Variants in NPLOC4 observed in about 807,000 individuals in gnomAD.
NPLOC4 encodes NPL4 homolog, ubiquitin recognition factor.
In NPLOC4, 18 loss-of-function variants were observed where a neutral mutation model predicts 80.6. The observed-to-expected ratio is 0.22, with a 90% confidence interval of 0.15 to 0.33. NPLOC4 has a LOEUF of 0.33. NPLOC4 is among the 10% of genes least tolerant of loss of function. The probability of loss-of-function intolerance (pLI) is 1.00; values close to 1 mark genes in which losing one functional copy is unlikely to be tolerated. For missense variants in NPLOC4, 540 were observed against 786.1 expected (o/e 0.69, Z 3.74); for synonymous variants, 313 against 301.5 (o/e 1.04, Z -0.39).
chr17:81,578,499 C>A (rs951334417), intron 12 of NPLOC4, among the ~76,000 whole-genome samples: 1 of 152,176 alleles, frequency 6.6e-6, no homozygotes. Context: ...TAATGAACTG[C>A]CCAAGACTGG....
intron 12 of NPLOC4, among the ~76,000 whole-genome samples, chr17:81,583,617 G>A (rs1219997089): frequency 6.6e-6 from 1 of 152,166 alleles, no homozygotes; most frequent in Non-Finnish European, 1.5e-5. Flanking sequence ...ACACCCATAT[G>A]CTTTCCTAAA....
At chr17:81,628,289 T>C (rs935197043) in intron 2 of NPLOC4, among the ~76,000 whole-genome samples, 19 of 146,918 alleles carry the variant, frequency 1.3e-4, no homozygotes, top group Admixed American at 6.8e-4. Flanking sequence ...CTGAAGCGGG[T>C]GGATCACGAG....
At chr17:81,620,629 C>A (rs2035638965) in intron 3 of NPLOC4, among the ~76,000 whole-genome samples, 1 of 152,060 alleles carries the variant, frequency 6.6e-6, no homozygotes. Flanking sequence ...TCCATCAAGG[C>A]ATACACTGTT....
intron 9 of NPLOC4, among the ~76,000 whole-genome samples, chr17:81,599,944 G>A (rs1195924481): frequency 6.6e-6 from 1 of 152,180 alleles, no homozygotes; most frequent in African/African-American, 2.4e-5. Context: ...ACTGTCCTCG[G>A]CTTCCAAGCT....
chr17:81,631,137 C>A (rs919363587), intron 1 of NPLOC4, among the ~76,000 whole-genome samples: 1 of 151,348 alleles, frequency 6.6e-6, no homozygotes, highest in Non-Finnish European at 1.5e-5. Context: ...CGTGCCATTG[C>A]GTGACGAAGA....
chr17:81,572,040 G>A lies in NPLOC4; in HGVS notation c.1330C>T (p.Pro444Ser). 1 of 1,605,510 alleles carries A rather than the reference G, an allele frequency of 6.2e-7. No individual in the cohort carries two copies. Among genetic ancestry groups the A allele is most frequent in the Non-Finnish European group, 8.5e-7 (1 of 1,175,068 alleles). The change falls in exon 13 of 17, where the codon CCT (proline) becomes TCT (serine). Residue 444 changes from proline (P) to serine (S), a missense_variant. Pro to Ser is a moderately conservative substitution (Grantham distance 74). This residue lies in a region of NPLOC4 where 251 missense variants were observed against 377.5 expected (regional missense o/e 0.66). Transcript: ENST00000331134. This position sits in a 1 kb window ranked among gnomAD's most constrained non-coding sequence, Gnocchi z 4.5. ...ACGTCTATGATGAGATACTCCACAG[G>A]CAGGGGCCGGGCCAGCTGGGTGATC... Reference protein sequence around the residue: ...NEITQLARPLPVEYLIIDITT... With the variant: ...NEITQLARPLSVEYLIIDITT...
intron 11 of NPLOC4, among the ~76,000 whole-genome samples, chr17:81,595,689 C>T (rs62074669): frequency 0.08 from 12,094 of 151,646 alleles, 564 homozygotes; most frequent in Middle Eastern, 0.17. Context: ...GGATTACAGG[C>T]GCCCACCACC....
chr17:81,572,438 G>A lies in NPLOC4; in HGVS notation c.1282-350C>T, dbSNP rs1311428468. Among the ~76,000 whole-genome samples the A allele has an allele frequency of 6.6e-6, 1 of 152,108 alleles. No homozygotes were observed. The highest frequency in any genetic ancestry group is 1.5e-5 in the Non-Finnish European group (1 of 68,026). On this transcript the variant is annotated intron_variant, in intron 12 of 16. Coordinates refer to ENST00000331134, the MANE Select transcript of NPLOC4 (RefSeq NM_017921.4). The surrounding 1 kb of genome is among the most constrained non-coding windows in gnomAD (Gnocchi z 4.5). ...GATCTCCTGACCTCGTGATCCACCC[G>A]CCTCAGCCCCCCAAAGTGCTGGGAT...
At chr17:81,561,605 T>A (rs1285584735) in intron 16 of NPLOC4, among the ~76,000 whole-genome samples, 1 of 152,180 alleles carries the variant, frequency 6.6e-6, no homozygotes, top group Non-Finnish European at 1.5e-5. Context: ...TTTATTTTTT[T>A]AAGACAGGGT....
chr17:81,567,583 A>G lies in NPLOC4; in HGVS notation c.1450-50T>C. 8.7e-7 allele frequency: 1 copy of G among 1,145,380 alleles called. No homozygotes were observed. Among genetic ancestry groups the G allele is most frequent in the Non-Finnish European group, 1.3e-6 (1 of 770,754 alleles). 71.0% of individuals were successfully genotyped at this position (1,145,380 alleles called of 1,614,324 possible). ...ATGTTCCATACAGTTCCCCAGTGCCAGACCCCGAAACAGAGCTGTTTCCTA... is the reference window on the plus strand; with the variant it reads ...ATGTTCCATACAGTTCCCCAGTGCCGGACCCCGAAACAGAGCTGTTTCCTA... On this transcript the variant is annotated intron_variant, in intron 14 of 16. Coordinates refer to ENST00000331134, the MANE Select transcript of NPLOC4 (RefSeq NM_017921.4). This position sits in a 1 kb window ranked among gnomAD's most constrained non-coding sequence, Gnocchi z 4.5.
At chr17:81,615,108 T>C (rs914677504) in intron 3 of NPLOC4, among the ~76,000 whole-genome samples, 2 of 150,058 alleles carry the variant, frequency 1.3e-5, no homozygotes, top group South Asian at 4.3e-4. Flanking sequence ...TTCTTTTTTT[T>C]TTTTTTTTTG....
At chr17:81,576,278 T>A (rs1170434696) in intron 12 of NPLOC4, among the ~76,000 whole-genome samples, 1 of 152,226 alleles carries the variant, frequency 6.6e-6, no homozygotes, top group Non-Finnish European at 1.5e-5. Flanking sequence ...GGTAGATGCA[T>A]AGTTCTGGGG....
intron 1 of NPLOC4, among the ~76,000 whole-genome samples, chr17:81,633,127 C>CAAAAAAAA (rs57190405): frequency 2.8e-5 from 3 of 105,860 alleles, no homozygotes; most frequent in East Asian, 4.7e-4. Context: ...GACTCCGTCT[C>CAAAAAAAA]AAAAAAAAAA....
Position 81,569,057 on chromosome 17 carries a change from G to A in NPLOC4, c.1408C>T (p.Pro470Ser). The A allele has an allele frequency of 6.2e-7, 1 of 1,613,396 alleles. No homozygotes were observed. The highest frequency in any genetic ancestry group is 1.1e-5 in the South Asian group (1 of 91,072). The change falls in exon 14 of 17, where the codon CCA (proline) becomes TCA (serine). Residue 470 changes from proline to serine, a missense_variant. Pro to Ser is a moderately conservative substitution (Grantham distance 74, BLOSUM62 -1). Coordinates refer to ENST00000331134, the MANE Select transcript of NPLOC4 (RefSeq NM_017921.4). ...ACATCCCGGTTTTCAATAGGAAATG[G>A]ATTTTGCGAAATAGAAAAAGTGTAA... is the stretch of plus-strand genomic sequence containing the variant. ...PVYTFSISQN[P>S]FPIENRDVLG...
rs146881365 is a variant in NPLOC4 at position 81,563,521 on chromosome 17, G to C, written c.1669+1984C>G. The C allele has an allele frequency of 4.7e-3, 838 of 179,872 alleles. 10 individuals carry two copies. The highest frequency in any genetic ancestry group is 0.019 in the African/African-American group (786 of 41,266). The allele number at this position is 179,872 out of a possible 1,614,324, so 11.1% of individuals were successfully genotyped here. On this transcript the variant is annotated intron_variant, in intron 16 of 16. Transcript: ENST00000331134. ...GGAATTGAAGGCTGTAGTGAGCTAT[G>C]ATCACTCCACTGCACTCCAGCCTAG...
chr17:81,569,134 C>A (rs1460629071), intron 13 of NPLOC4, 23 bp from the exon 14 acceptor site: 2 of 1,527,928 alleles, frequency 1.3e-6, no homozygotes, highest in East Asian at 4.5e-5. Context: ...AACACAAACC[C>A]ATGATAAATG....
chr17:81,602,312 C>G (rs563224452), intron 8 of NPLOC4, among the ~76,000 whole-genome samples: 1 of 152,030 alleles, frequency 6.6e-6, no homozygotes, highest in Non-Finnish European at 1.5e-5. Context: ...TTTAGGAGGC[C>G]AAGGCAGTAG....
At chr17:81,634,689 G>A (rs1472643041) in intron 1 of NPLOC4, among the ~76,000 whole-genome samples, 2 of 151,550 alleles carry the variant, frequency 1.3e-5, no homozygotes, top group African/African-American at 4.9e-5. Context: ...GGGTTTGAGC[G>A]ATTCCCCTCC....
intron 3 of NPLOC4, among the ~76,000 whole-genome samples, chr17:81,619,211 A>AAC (rs1458157872): frequency 2.0e-5 from 3 of 151,836 alleles, no homozygotes; most frequent in African/African-American, 7.3e-5. Context: ...TAAAAAAAAA[A>AAC]AAAAAAACAC....
Sources: allele counts gnomAD v4.1 joint callset (sites outside exome capture counted in the v4.1 genomes callset), GRCh38; gene constraint gnomAD v4.1.1; regional missense constraint gnomAD v4.1.1; non-coding constraint Gnocchi (gnomAD v3.1); transcripts MANE v1.5; gene names NCBI Gene and HGNC (gene_info 2026-07-23, HGNC 2026-07-21).